EPN2: variants seen among roughly 807,000 people sequenced by gnomAD.
The protein encoded by EPN2 is epsin-2.
In EPN2, 34 loss-of-function variants were observed where a neutral mutation model predicts 61.7. The observed-to-expected ratio is 0.55, with a 90% CI of 0.42 to 0.73. EPN2 has a LOEUF of 0.73. Among genes scored for constraint, EPN2 ranks in the 30% least tolerant of loss-of-function variants. The pLI is 0.00. For synonymous variants in EPN2, 349 were observed against 353.6 expected, an observed-to-expected ratio of 0.99 and a Z score of 0.15; for missense variants, 714 against 839.2, an observed-to-expected ratio of 0.85 and a Z score of 1.84.
At chr17:19,239,711 A>C (rs922849766) in intron 1 of EPN2, among the ~76,000 whole-genome samples, 1 of 152,272 alleles carries the variant, frequency 6.6e-6, no homozygotes, top group Non-Finnish European at 1.5e-5. Context: ...CCTGGTTTAC[A>C]GAGGCTTTTT....
chr17:19,330,012 G>C (rs1907083304), intron 9 of EPN2, among the ~76,000 whole-genome samples: 1 of 152,142 alleles, frequency 6.6e-6, no homozygotes. Flanking sequence ...CCACCTTTGG[G>C]CATCAGTGGG....
chr17:19,315,855 A>T (rs1183192012), intron 7 of EPN2, among the ~76,000 whole-genome samples: 1 of 152,208 alleles, frequency 6.6e-6, no homozygotes, highest in Non-Finnish European at 1.5e-5. Context: ...AGCCACCATC[A>T]GATATCTAAT....
chr17:19,275,870 G>A (rs555841707), intron 1 of EPN2, among the ~76,000 whole-genome samples: 24 of 152,214 alleles, frequency 1.6e-4, no homozygotes, highest in African/African-American at 4.8e-4. Flanking sequence ...GGCTTTTTAC[G>A]TGGAGGCTCT....
intron 7 of EPN2, among the ~76,000 whole-genome samples, chr17:19,315,525 T>C (rs8070249): frequency 0.97 from 147,097 of 152,182 alleles, 71,352 homozygotes; most frequent in African/African-American, 0.99. Flanking sequence ...GTCTCACTAT[T>C]GCCCAGGCTG....
At chr17:19,297,062 A>G (rs928017513) in intron 4 of EPN2, 3 of 152,268 alleles carry the variant, frequency 2.0e-5, no homozygotes, top group Non-Finnish European at 2.9e-5. Flanking sequence ...TAACAGTTGT[A>G]CATAGTATTC....
At chr17:19,246,951 T>C (rs896954162) in intron 1 of EPN2, among the ~76,000 whole-genome samples, 4 of 152,056 alleles carry the variant, frequency 2.6e-5, no homozygotes, top group African/African-American at 9.7e-5. Flanking sequence ...TTTGTATTTA[T>C]GGTAGAGAGG....
chr17:19,280,600 G>A (rs890970973), intron 1 of EPN2, among the ~76,000 whole-genome samples: 7 of 152,190 alleles, frequency 4.6e-5, no homozygotes, highest in African/African-American at 1.7e-4. Flanking sequence ...AGATGTATGG[G>A]TTATTACCAG....
intron 1 of EPN2, among the ~76,000 whole-genome samples, chr17:19,239,830 A>G (rs535601988): frequency 2.0e-5 from 3 of 152,348 alleles, no homozygotes; most frequent in South Asian, 2.1e-4. Flanking sequence ...CTTTCAAGTG[A>G]TAATATCTAG....
intron 7 of EPN2, among the ~76,000 whole-genome samples, 174 bp from the exon 8 acceptor site, chr17:19,328,537 C>T (rs572613962): frequency 2.0e-5 from 3 of 152,106 alleles, no homozygotes; most frequent in South Asian, 2.1e-4. Flanking sequence ...GTTGTTGGCC[C>T]TGGGCCCCAG....
At chr17:19,266,513 C>T (rs8079456) in intron 1 of EPN2, among the ~76,000 whole-genome samples, 11,881 of 151,972 alleles carry the variant, frequency 0.078, 1,603 homozygotes, top group African/African-American at 0.27. Flanking sequence ...TGCCATTCTC[C>T]TGCCTCAGCC....
chr17:19,309,734 A>T, intron 4 of EPN2, 151 bp from the exon 5 acceptor site: 1 of 645,464 alleles, frequency 1.5e-6, no homozygotes, highest in Non-Finnish European at 2.8e-6. Flanking sequence ...AATATTTGTA[A>T]GCCTTTCCTT....
At chr17:19,328,034 T>G (rs1194430394) in intron 7 of EPN2, among the ~76,000 whole-genome samples, 1 of 152,174 alleles carries the variant, frequency 6.6e-6, no homozygotes, top group Non-Finnish European at 1.5e-5. Flanking sequence ...GATGTTTTAG[T>G]TTTTTTGTGT....
chr17:19,292,712 G>T (rs1198047290), intron 4 of EPN2, among the ~76,000 whole-genome samples: 1 of 152,260 alleles, frequency 6.6e-6, no homozygotes, highest in Non-Finnish European at 1.5e-5. Context: ...GAATGGCTGG[G>T]CTGCTAAAGT....
chr17:19,239,324 G>A (rs2152196129), intron 1 of EPN2, among the ~76,000 whole-genome samples: 1 of 152,218 alleles, frequency 6.6e-6, no homozygotes, highest in Admixed American at 6.5e-5. Context: ...GCTAATCTTT[G>A]TATTTTTAGT....
intron 1 of EPN2, among the ~76,000 whole-genome samples, chr17:19,268,366 C>CTT (rs774924176): frequency 6.6e-6 from 1 of 151,318 alleles, no homozygotes; most frequent in Admixed American, 6.6e-5. Context: ...ATGAATACAT[C>CTT]TTTTTTTTTG....
At chr17:19,269,104 C>T (rs938372759) in intron 1 of EPN2, among the ~76,000 whole-genome samples, 1 of 152,064 alleles carries the variant, frequency 6.6e-6, no homozygotes, top group African/African-American at 2.4e-5. Flanking sequence ...ATGTGGTTTG[C>T]ACATATTCTC....
intron 7 of EPN2, among the ~76,000 whole-genome samples, chr17:19,326,429 G>A (rs568489280): frequency 2.1e-3 from 321 of 152,234 alleles, no homozygotes; most frequent in Non-Finnish European, 2.7e-3. Context: ...GCTCACGCCT[G>A]TAATCCCAGC....
At chr17:19,322,362 G>A (rs1285633141) in intron 7 of EPN2, among the ~76,000 whole-genome samples, 1 of 152,160 alleles carries the variant, frequency 6.6e-6, no homozygotes, top group Non-Finnish European at 1.5e-5. Flanking sequence ...GGGAAGGAGT[G>A]AAGGCAGCAC....
intron 7 of EPN2, among the ~76,000 whole-genome samples, chr17:19,322,496 AAT>A (rs2152236557): frequency 1.3e-5 from 2 of 152,150 alleles, no homozygotes; most frequent in South Asian, 4.2e-4. Context: ...CCTGGCCAAT[AAT>A]ATATTTTTAC....
Sources: allele counts gnomAD v4.1 joint callset (sites outside exome capture counted in the v4.1 genomes callset), GRCh38; gene constraint gnomAD v4.1.1; transcripts MANE v1.5; gene names NCBI Gene and HGNC (gene_info 2026-07-23, HGNC 2026-07-21).